Variants in COL15A1 observed in about 807,000 individuals in gnomAD.
The protein encoded by COL15A1 is collagen type XV alpha 1 chain, also known as collagen alpha-1(XV) chain.
Under a neutral mutation model 165.9 loss-of-function variants are expected in COL15A1, and 111 were observed. The ratio of observed to expected loss-of-function variants is 0.67; its 90% CI spans 0.57 to 0.78. The LOEUF (loss-of-function observed/expected upper bound fraction) is 0.78. Ranked by LOEUF, COL15A1 falls within the 30% of genes least tolerant of loss-of-function variation. The probability of loss-of-function intolerance (pLI) is 0.00; values close to 1 mark genes in which losing one functional copy is unlikely to be tolerated. For synonymous variants in COL15A1, 659 were observed against 674.8 expected (o/e 0.98, Z 0.36); for missense variants, 1,745 against 1,789.7 (o/e 0.98, Z 0.45).
At chr9:99,047,724 C>A (rs998679429) in intron 26 of COL15A1, 62 bp from the exon 27 acceptor site, 18 of 1,574,146 alleles carry the variant, frequency 1.1e-5, no homozygotes, top group Non-Finnish European at 1.6e-5. Context: ...GGCTTGCACT[C>A]CTCATTTCCC....
chr9:99,042,038 C>A lies in COL15A1; in HGVS notation c.2512-7C>A. 6.3e-7 allele frequency: 1 copy of A among 1,593,240 alleles called. No homozygotes were observed. Among genetic ancestry groups the A allele is most frequent in the South Asian group, 1.1e-5 (1 of 89,196 alleles). On this transcript the variant is annotated splice_polypyrimidine_tract_variant and splice_region_variant and intron_variant, in intron 23 of 41. Coordinates refer to ENST00000375001, the MANE Select transcript of COL15A1 (RefSeq NM_001855.5). ...ACAACCAAATACTATATAACAATTC[C>A]TTCCAGGGTCCTAGAGGACCAAAAG...
rs375136448 is a variant in COL15A1 at position 99,040,032 on chromosome 9, T to C, written c.2476-489T>C. On this transcript the variant is annotated intron_variant, in intron 22 of 41. Transcript: ENST00000375001. ...TCTCCCCTGCTGAGTGACCTCATTG[T>C]GAGCCATCTTCCTGTCTCCTCTGTA... 5.9e-5 allele frequency among the ~76,000 whole-genome samples: 9 copies of C among 152,252 alleles called. No homozygotes were observed. The South Asian group carries it at 1.9e-3, about 31-fold the overall frequency.
chr9:99,035,296 C>T, intron 18 of COL15A1, 54 bp from the exon 19 acceptor site: 2 of 1,612,462 alleles, frequency 1.2e-6, no homozygotes, highest in Non-Finnish European at 8.5e-7. Context: ...ACACCTGGCA[C>T]AAGTAGGTGC....
chr9:98,946,126 A>G (rs1164873508), intron 2 of COL15A1, among the ~76,000 whole-genome samples: 1 of 152,234 alleles, frequency 6.6e-6, no homozygotes, highest in East Asian at 1.9e-4. Flanking sequence ...AATATCCCTA[A>G]TACTTATAAA....
intron 2 of COL15A1, among the ~76,000 whole-genome samples, chr9:98,955,915 A>G (rs1837768620): frequency 6.6e-6 from 1 of 152,368 alleles, no homozygotes; most frequent in Admixed American, 6.5e-5. Context: ...TGACTAGCTC[A>G]TGGTCACAGT....
Position 99,059,968 on chromosome 9 carries a change from C to T in COL15A1, c.3402+15C>T, listed in dbSNP as rs1455886499. Reference sequence around the variant, plus strand: ...CCAGAAACCTGGTCAGTATTATCATCAGTGTGTAGTCATCATTCCATTTGG... The same window carrying T: ...CCAGAAACCTGGTCAGTATTATCATTAGTGTGTAGTCATCATTCCATTTGG... On this transcript the variant is annotated intron_variant, in intron 36 of 41. Transcript: ENST00000375001. 54 of 1,613,026 alleles carry T rather than the reference C, an allele frequency of 3.3e-5. No homozygotes were observed. The highest frequency in any genetic ancestry group is 4.4e-5 in the Non-Finnish European group (52 of 1,179,704).
intron 9 of COL15A1, 22 bp from the exon 10 acceptor site, chr9:99,015,395 C>T: frequency 3.1e-6 from 5 of 1,589,534 alleles, no homozygotes; most frequent in South Asian, 1.1e-5. Flanking sequence ...GGGCACAGCT[C>T]CTCATGCCAA....
intron 5 of COL15A1, among the ~76,000 whole-genome samples, chr9:98,993,683 AGAG>A (rs1279527969): frequency 6.6e-6 from 1 of 152,184 alleles, no homozygotes; most frequent in Admixed American, 6.5e-5. Context: ...CTCAGGGTCC[AGAG>A]TGCACTCAGT....
In COL15A1 at chr9:98,992,639, G is replaced by T. The variant is rs112479635; in HGVS notation, c.804+3381G>T. On this transcript the variant is annotated intron_variant, in intron 5 of 41. Transcript: ENST00000375001. ...GAGGCACTGAGGGCGAGCGAGGGCCGCCAGCACGTTGTCAATTCTCGCTAT... is the reference window on the plus strand; with the variant it reads ...GAGGCACTGAGGGCGAGCGAGGGCCTCCAGCACGTTGTCAATTCTCGCTAT... Among the ~76,000 whole-genome samples the T allele has an allele frequency of 3.7e-3, 569 of 152,384 alleles. 6 individuals are homozygous for T. The highest frequency in any genetic ancestry group is 0.013 in the African/African-American group (541 of 41,598).
At chr9:98,949,459 A>G (rs889605185) in intron 2 of COL15A1, among the ~76,000 whole-genome samples, 2 of 152,034 alleles carry the variant, frequency 1.3e-5, no homozygotes, top group African/African-American at 4.8e-5. Context: ...CAATGCCAGC[A>G]TGTCTTCTAA....
At chr9:98,994,600 C>A (rs1349967692) in intron 5 of COL15A1, among the ~76,000 whole-genome samples, 2 of 152,194 alleles carry the variant, frequency 1.3e-5, no homozygotes, top group African/African-American at 4.8e-5. Flanking sequence ...AGCTTGAGGA[C>A]AGACACGCTG....
chr9:99,013,477 G>A lies in COL15A1; in HGVS notation c.1354-1940G>A, dbSNP rs111885004. On this transcript the variant is annotated intron_variant, in intron 9 of 41. Coordinates refer to ENST00000375001, the MANE Select transcript of COL15A1 (RefSeq NM_001855.5). ...AATTGAGATTAATTTCAGGAGGAAA[G>A]GCAATGGAGAAGACACCCTTTAGAA... is the stretch of plus-strand genomic sequence containing the variant. Among the ~76,000 whole-genome samples the A allele has an allele frequency of 2.2e-4, 33 of 151,922 alleles. 1 individual carries two copies. Among genetic ancestry groups the A allele is most frequent in the African/African-American group, 7.7e-4 (32 of 41,358 alleles).
At chr9:98,973,052 A>G (rs1378472439) in intron 2 of COL15A1, among the ~76,000 whole-genome samples, 2 of 152,304 alleles carry the variant, frequency 1.3e-5, no homozygotes, top group Non-Finnish European at 2.9e-5. Flanking sequence ...GGGTAAGAGG[A>G]TGCTTTGGAA....
chr9:98,987,341 G>C lies in COL15A1; in HGVS notation c.696G>C (p.Glu232Asp), dbSNP rs546643726. ...TGCACCCCGACCCCAGGACTCCCGA[G>C]GAGCTGTGTGACCCTGAAGAGTCCT... ...LTVHPDPRTPEELCDPEESSA... is the reference protein window; with the variant it reads ...LTVHPDPRTPDELCDPEESSA... The change falls in exon 4 of 42, where the codon GAG (glutamate) becomes GAC (aspartate). Residue 232 changes from glutamate (E) to aspartate (D), a missense_variant. By Grantham distance (45) the Glu-to-Asp change is conservative. Transcript: ENST00000375001. The C allele has an allele frequency of 1.9e-5, 31 of 1,613,260 alleles. No homozygotes were observed. The highest frequency in any genetic ancestry group is 1.7e-5 in the Admixed American group (1 of 59,918).
rs201734908 is a variant in COL15A1 at position 99,024,268 on chromosome 9, G to GTTTTTTTTTTTTTTTTTTTT, written c.1855-598_1855-597insTTTTTTTTTTTTTTTTTTTT. On this transcript the variant is annotated intron_variant, in intron 14 of 41. Transcript: ENST00000375001. Reference sequence around the variant, plus strand: ...TAAAAACAAGGCTACACCACAAGCAGTTTTTTTTGTTTTTTTGTTTTTTTT... The same window carrying GTTTTTTTTTTTTTTTTTTTT: ...TAAAAACAAGGCTACACCACAAGCAGTTTTTTTTTTTTTTTTTTTTTTTTTTTTGTTTTTTTGTTTTTTTT... Among the ~76,000 whole-genome samples the GTTTTTTTTTTTTTTTTTTTT allele has an allele frequency of 4.5e-3, 595 of 131,300 alleles. 23 individuals carry two copies. The highest frequency in any genetic ancestry group is 6.7e-3 in the Non-Finnish European group (420 of 62,834). 86.1% of individuals were successfully genotyped at this position (131,300 alleles called of 152,430 possible).
rs1358370636 is a variant in COL15A1, at chr9:98,989,241, A to G, written c.787A>G (p.Thr263Ala). The G allele has an allele frequency of 4.3e-6, 7 of 1,613,860 alleles. No individual in the cohort carries two copies. The highest frequency in any genetic ancestry group is 5.9e-6 in the Non-Finnish European group (7 of 1,179,834). ...AGTAGCTGAGATCTTAGAAGCCGTC[A>G]CCTACACTCAAGCCTCGGTGAGTAC... is the stretch of plus-strand genomic sequence containing the variant. ...DGVAEILEAV[T>A]YTQASPKEAK... Residue 263 changes from threonine (T) to alanine (A), a missense_variant, in exon 5 of 42, where the codon ACC (threonine) becomes GCC (alanine). Physicochemically the swap from Thr to Ala is moderately conservative, Grantham distance 58. Transcript: ENST00000375001.
chr9:98,952,096 G>C (rs938502900), intron 2 of COL15A1, among the ~76,000 whole-genome samples: 7 of 152,328 alleles, frequency 4.6e-5, no homozygotes, highest in Admixed American at 2.6e-4. Context: ...CTGGAACAGG[G>C]ATTTCAGGTG....
chr9:98,989,194 G>T lies in COL15A1; in HGVS notation c.740G>T (p.Ser247Ile). The change falls in exon 5 of 42, where the codon AGT becomes ATT. Residue 247 changes from serine to isoleucine, a missense_variant. Coordinates refer to ENST00000375001, the MANE Select transcript of COL15A1 (RefSeq NM_001855.5). ...TCCACACAGGCATCTGGAGAGACCA[G>T]TGGGCTGCAGGAGGCAGACGGAGTA... is the stretch of plus-strand genomic sequence containing the variant. ...PEESSASGET[S>I]GLQEADGVAE... 1 of 1,614,158 alleles carries T rather than the reference G, an allele frequency of 6.2e-7. No homozygotes were observed. Among genetic ancestry groups the T allele is most frequent in the Non-Finnish European group, 8.5e-7 (1 of 1,179,992 alleles).
At chr9:99,047,911 G>T (rs776769306) in intron 27 of COL15A1, 30 bp from the exon 28 acceptor site, 2 of 1,609,286 alleles carry the variant, frequency 1.2e-6, no homozygotes, top group Non-Finnish European at 1.7e-6. Flanking sequence ...TGGGCGGAGG[G>T]TTTACTGAGG....
Sources: gnomAD v4.1 joint callset for allele counts (sites outside exome capture counted in the v4.1 genomes callset) on GRCh38, gnomAD v4.1.1 for gene constraint, MANE v1.5 for transcripts, NCBI Gene and HGNC (gene_info 2026-07-23, HGNC 2026-07-21) for gene names.